Variants in GPR158 observed in about 807,000 individuals in gnomAD.
The protein encoded by GPR158 is metabotropic glycine receptor.
GPR158 carries 30 observed loss-of-function variants against 78.2 expected under a neutral mutation model. The observed-to-expected ratio is 0.38, with a 90% CI of 0.29 to 0.52. The LOEUF (loss-of-function observed/expected upper bound fraction) is 0.52, where lower values mean the gene tolerates loss of function less well. GPR158 is among the 20% of genes least tolerant of loss of function. The probability of loss-of-function intolerance (pLI) is 0.83; values close to 1 mark genes in which losing one functional copy is unlikely to be tolerated. For missense variants in GPR158, 1,463 were observed against 1,523.5 expected (o/e 0.96, Z 0.66); for synonymous variants, 581 against 591.1 (o/e 0.98, Z 0.25).
chr10:25,567,165 G>A (rs2130727191), intron 6 of GPR158, among the ~76,000 whole-genome samples: 1 of 152,208 alleles, frequency 6.6e-6, no homozygotes, highest in East Asian at 1.9e-4. Context: ...AAGAGATACT[G>A]CAAAATCACA....
At chr10:25,249,205 T>C (rs1401471617) in intron 2 of GPR158, among the ~76,000 whole-genome samples, 1 of 152,074 alleles carries the variant, frequency 6.6e-6, no homozygotes, top group Non-Finnish European at 1.5e-5. Flanking sequence ...CTTAAGGAGA[T>C]TTTGGGCTGA....
At position 25,175,623 on chromosome 10, in the gene GPR158, C is replaced by A. The variant is rs759135219; in HGVS notation, c.203C>A (p.Thr68Asn). ...CCCTGGAGCCGCTCCACCGATGGCACCATCTTGGCGCAGAAACTCGCCGAG... is the reference window on the plus strand; with the variant it reads ...CCCTGGAGCCGCTCCACCGATGGCAACATCTTGGCGCAGAAACTCGCCGAG... ...SAPWSRSTDG[T>N]ILAQKLAEEV... Residue 68 changes from threonine to asparagine, a missense_variant, in exon 1 of 11, where the codon ACC (threonine) becomes AAC (asparagine). Thr to Asn is a moderately conservative substitution (Grantham distance 65). Transcript: ENST00000376351. This position sits in a 1 kb window ranked among gnomAD's most constrained non-coding sequence, Gnocchi z 6.4. 2 of 1,611,222 alleles carry A rather than the reference C, an allele frequency of 1.2e-6. No homozygotes were observed. The highest frequency in any genetic ancestry group is 1.7e-6 in the Non-Finnish European group (2 of 1,179,930).
At chr10:25,521,074 A>C (rs921232688) in intron 5 of GPR158, among the ~76,000 whole-genome samples, 3 of 152,200 alleles carry the variant, frequency 2.0e-5, no homozygotes, top group Admixed American at 1.3e-4. Flanking sequence ...GTGGTGCGCC[A>C]TTTCCTAAGC....
chr10:25,363,068 T>C (rs935526238), intron 2 of GPR158, among the ~76,000 whole-genome samples: 19 of 151,878 alleles, frequency 1.3e-4, no homozygotes, highest in African/African-American at 4.4e-4. Flanking sequence ...TTTAAGCAGG[T>C]TCTGAAAATT....
intron 4 of GPR158, among the ~76,000 whole-genome samples, chr10:25,421,849 A>C (rs1023296811): frequency 2.0e-5 from 3 of 152,166 alleles, no homozygotes; most frequent in African/African-American, 7.2e-5. Context: ...ATCAATTTTC[A>C]ATAAGAGCAA....
At position 25,371,772 on chromosome 10, in the gene GPR158, T is replaced by A. The variant is rs1483089246; in HGVS notation, c.1009-24139T>A. Among the ~76,000 whole-genome samples the A allele has an allele frequency of 5.9e-5, 8 of 134,578 alleles. No homozygotes were observed. The South Asian group carries it at 7.9e-4, about 13-fold the overall frequency. The allele number at this position is 134,578 out of a possible 152,430, so 88.3% of individuals were successfully genotyped here. ...AAAACCCTAGAAGAAAACCTAGGCA[T>A]TACCATTCAGGACATAGGCAAGGGC... On this transcript the variant is annotated intron_variant, in intron 2 of 10. Coordinates refer to ENST00000376351, the MANE Select transcript of GPR158 (RefSeq NM_020752.3).
intron 4 of GPR158, among the ~76,000 whole-genome samples, chr10:25,432,918 A>G (rs768142104): frequency 6.6e-6 from 1 of 152,200 alleles, no homozygotes; most frequent in Non-Finnish European, 1.5e-5. Flanking sequence ...AGTGATAGAT[A>G]ATAAAGAAAT....
chr10:25,235,718 A>G (rs577199571), intron 2 of GPR158, among the ~76,000 whole-genome samples: 28 of 123,878 alleles, frequency 2.3e-4, no homozygotes, highest in Middle Eastern at 5.3e-3. Context: ...TTTTTTTGAG[A>G]CGGAGTATCT....
At chr10:25,458,114 T>C (rs1002282997) in intron 4 of GPR158, among the ~76,000 whole-genome samples, 3 of 152,198 alleles carry the variant, frequency 2.0e-5, no homozygotes, top group Admixed American at 2.0e-4. Flanking sequence ...ATGTGAACTT[T>C]ATTTTTTGAT....
intron 4 of GPR158, among the ~76,000 whole-genome samples, chr10:25,438,898 A>C (rs1482356849): frequency 1.3e-5 from 2 of 152,228 alleles, no homozygotes; most frequent in Non-Finnish European, 2.9e-5. Flanking sequence ...AATGAGAAAA[A>C]TATTTTATGA....
chr10:25,448,888 G>C (rs909173609), intron 4 of GPR158, among the ~76,000 whole-genome samples: 4 of 152,076 alleles, frequency 2.6e-5, no homozygotes, highest in African/African-American at 9.7e-5. Flanking sequence ...CAATACAAAT[G>C]TATTTTATAG....
intron 1 of GPR158, among the ~76,000 whole-genome samples, chr10:25,211,452 C>T (rs1853129319): frequency 1.3e-5 from 2 of 152,160 alleles, no homozygotes; most frequent in South Asian, 4.1e-4. Flanking sequence ...AAAGAGCCTA[C>T]TCGTGCACAG....
At position 25,207,769 on chromosome 10, in the gene GPR158, AT is replaced by A. The variant is rs1853064925; in HGVS notation, c.903-13281del. Among the ~76,000 whole-genome samples, 4 of 152,146 alleles carry A rather than the reference AT, an allele frequency of 2.6e-5. No homozygotes were observed. In the South Asian group the frequency reaches 8.3e-4, roughly 32 times the overall value. On this transcript the variant is annotated intron_variant, in intron 1 of 10. Coordinates refer to ENST00000376351, the MANE Select transcript of GPR158 (RefSeq NM_020752.3). ...TTTACTACTAGGTTGACTTTATATG[AT>A]TCTACTTAAAGAATCATAAAGGTAT...
chr10:25,513,649 C>T (rs1044564773), intron 5 of GPR158, among the ~76,000 whole-genome samples: 1 of 152,076 alleles, frequency 6.6e-6, no homozygotes, highest in Non-Finnish European at 1.5e-5. Context: ...TTGATGTAGG[C>T]ATTTAATGCT....
intron 6 of GPR158, among the ~76,000 whole-genome samples, chr10:25,571,498 A>C (rs7922110): frequency 0.27 from 41,704 of 152,100 alleles, 10,641 homozygotes; most frequent in African/African-American, 0.65. Context: ...TATTCAAAGA[A>C]TGAAGTGAAG....
At chr10:25,285,603 C>A (rs1461972861) in intron 2 of GPR158, among the ~76,000 whole-genome samples, 1 of 152,096 alleles carries the variant, frequency 6.6e-6, no homozygotes, top group African/African-American at 2.4e-5. Flanking sequence ...AACACATTTG[C>A]CCTTCCTTTG....
At chr10:25,431,041 A>G (rs1300248991) in intron 4 of GPR158, among the ~76,000 whole-genome samples, 39 of 146,472 alleles carry the variant, frequency 2.7e-4, no homozygotes, top group South Asian at 6.9e-4. Flanking sequence ...GAGCTTCTGC[A>G]CAGCAAAAGA....
intron 4 of GPR158, among the ~76,000 whole-genome samples, chr10:25,427,128 T>G (rs1834835095): frequency 6.6e-6 from 1 of 152,082 alleles, no homozygotes; most frequent in Non-Finnish European, 1.5e-5. Context: ...AGCAGAATTC[T>G]GTCAAGAGTA....
At chr10:25,238,765 C>G (rs1853563945) in intron 2 of GPR158, among the ~76,000 whole-genome samples, 1 of 152,218 alleles carries the variant, frequency 6.6e-6, no homozygotes, top group Admixed American at 6.5e-5. Flanking sequence ...TCCAGCGGAT[C>G]TTCCATAAGT....
Sources: gnomAD v4.1 joint callset for allele counts (sites outside exome capture counted in the v4.1 genomes callset) on GRCh38, gnomAD v4.1.1 for gene constraint, Gnocchi (gnomAD v3.1) non-coding constraint, MANE v1.5 for transcripts, NCBI Gene and HGNC (gene_info 2026-07-23, HGNC 2026-07-21) for gene names.